The following NRXN3 variants were observed in gnomAD, a reference collection of about 807,000 sequenced individuals.
NRXN3 encodes the protein neurexin III.
Under a neutral mutation model 137.6 loss-of-function variants are expected in NRXN3, and 32 were observed. The ratio of observed to expected loss-of-function variants is 0.23; its 90% CI spans 0.18 to 0.31. The LOEUF is 0.31. Among genes scored for constraint, NRXN3 ranks in the 10% least tolerant of loss-of-function variants. NRXN3 has a pLI of 1.00. For synonymous variants in NRXN3, 798 were observed against 784.5 expected (o/e 1.02, Z -0.29); for missense variants, 1,574 against 2,062.5 (o/e 0.76, Z 4.59).
chr14:79,799,144 T>C (rs1463926377), intron 19 of NRXN3, among the ~76,000 whole-genome samples: 1 of 152,178 alleles, frequency 6.6e-6, no homozygotes, highest in Non-Finnish European at 1.5e-5. Flanking sequence ...GCCAGACAGA[T>C]ATTTTATTGA....
At chr14:78,288,923 C>T (rs1716166731) in intron 3 of NRXN3, among the ~76,000 whole-genome samples, 1 of 152,190 alleles carries the variant, frequency 6.6e-6, no homozygotes, top group Admixed American at 6.5e-5. Flanking sequence ...AGTCCAGCCA[C>T]CTTGCCATAA....
At chr14:78,506,961 CA>C (rs2096007568) in intron 4 of NRXN3, among the ~76,000 whole-genome samples, 1 of 152,072 alleles carries the variant, frequency 6.6e-6, no homozygotes, top group South Asian at 2.1e-4. Flanking sequence ...ATTTCTTAAT[CA>C]GGCTTTTTTC....
intron 4 of NRXN3, among the ~76,000 whole-genome samples, chr14:78,439,163 G>A (rs936421538): frequency 9.9e-5 from 15 of 152,000 alleles, no homozygotes; most frequent in African/African-American, 3.6e-4. Flanking sequence ...AGGATCTGAA[G>A]ATAGTTAAAA....
At chr14:79,383,152 C>T (rs2094517327) in intron 15 of NRXN3, among the ~76,000 whole-genome samples, 1 of 152,140 alleles carries the variant, frequency 6.6e-6, no homozygotes, top group Non-Finnish European at 1.5e-5. Context: ...CCAGTTCTAA[C>T]TTGAATTTCA....
At chr14:78,823,163 C>G (rs1002844298) in intron 10 of NRXN3, among the ~76,000 whole-genome samples, 1 of 152,160 alleles carries the variant, frequency 6.6e-6, no homozygotes, top group Non-Finnish European at 1.5e-5. Flanking sequence ...ATTAGAATGC[C>G]ATAATTCAAC....
At chr14:78,642,685 T>C (rs145951437) in intron 4 of NRXN3, among the ~76,000 whole-genome samples, 2 of 152,350 alleles carry the variant, frequency 1.3e-5, no homozygotes, top group African/African-American at 4.8e-5. Flanking sequence ...CCTTCTACTC[T>C]AGATCAGGGT....
chr14:79,058,755 C>A (rs1038448636), intron 15 of NRXN3, among the ~76,000 whole-genome samples: 1 of 151,958 alleles, frequency 6.6e-6, no homozygotes. Context: ...GGGAGGTGAT[C>A]GGATCATGAG....
At chr14:78,510,981 T>C (rs2096093964) in intron 4 of NRXN3, among the ~76,000 whole-genome samples, 1 of 152,212 alleles carries the variant, frequency 6.6e-6, no homozygotes, top group Non-Finnish European at 1.5e-5. Context: ...TCATAAATTA[T>C]AAAAATGTTT....
At chr14:79,015,379 C>A (rs115905902) in intron 15 of NRXN3, among the ~76,000 whole-genome samples, 1 of 152,150 alleles carries the variant, frequency 6.6e-6, no homozygotes, top group South Asian at 2.1e-4. Flanking sequence ...CTGCAAACCA[C>A]GGCTGAGAAA....
intron 10 of NRXN3, among the ~76,000 whole-genome samples, chr14:78,816,152 T>C (rs921634712): frequency 6.6e-6 from 1 of 152,162 alleles, no homozygotes; most frequent in East Asian, 1.9e-4. Flanking sequence ...CCTAAATATA[T>C]AATATTAAAC....
intron 17 of NRXN3, among the ~76,000 whole-genome samples, chr14:79,677,163 T>C (rs375500880): frequency 1.3e-5 from 2 of 152,078 alleles, no homozygotes; most frequent in East Asian, 3.9e-4. Context: ...CAAATATGAT[T>C]TTATTGAAAT....
intron 18 of NRXN3, among the ~76,000 whole-genome samples, chr14:79,696,352 T>G (rs1347524366): frequency 6.6e-6 from 1 of 151,952 alleles, no homozygotes; most frequent in Non-Finnish European, 1.5e-5. Context: ...TAGTTATTTC[T>G]AGCTAAGGTA....
rs555759486 is a variant in NRXN3, at chr14:78,253,692, A to C, written c.709+9890A>C. 5.3e-5 allele frequency among the ~76,000 whole-genome samples: 8 copies of C among 152,234 alleles called. No homozygotes were observed. The East Asian group carries it at 1.5e-3, about 29-fold the overall frequency. On this transcript the variant is annotated intron_variant, in intron 2 of 20. Transcript: ENST00000335750. ...CCATCTCAGAAAAAAAAAGAAAAAAACCAATCATGGGATAATAAGTTTAAA... is the reference window on the plus strand; with the variant it reads ...CCATCTCAGAAAAAAAAAGAAAAAACCCAATCATGGGATAATAAGTTTAAA...
At chr14:79,301,410 A>G (rs1025189896) in intron 15 of NRXN3, among the ~76,000 whole-genome samples, 1 of 152,026 alleles carries the variant, frequency 6.6e-6, no homozygotes, top group Non-Finnish European at 1.5e-5. Context: ...GGACACTTCA[A>G]GGCCATTCTG....
intron 16 of NRXN3, among the ~76,000 whole-genome samples, chr14:79,514,433 T>C (rs779690293): frequency 2.1e-4 from 32 of 152,126 alleles, no homozygotes; most frequent in South Asian, 4.1e-4. Flanking sequence ...AGTAACATCA[T>C]TGGTCTCTGC....
chr14:79,355,791 T>G (rs1292419608), intron 15 of NRXN3, among the ~76,000 whole-genome samples: 1 of 152,210 alleles, frequency 6.6e-6, no homozygotes, highest in Non-Finnish European at 1.5e-5. Flanking sequence ...ACTTAGCTGA[T>G]CCTATCTCAA....
At chr14:79,586,578 ACC>A (rs1310244741) in intron 16 of NRXN3, among the ~76,000 whole-genome samples, 2 of 150,604 alleles carry the variant, frequency 1.3e-5, no homozygotes, top group African/African-American at 4.9e-5. Context: ...CATTAACTAC[ACC>A]CGCCTCAGCC....
At chr14:79,064,741 A>ATATG (rs3035483) in intron 15 of NRXN3, among the ~76,000 whole-genome samples, 2 of 29,470 alleles carry the variant, frequency 6.8e-5, no homozygotes, top group Non-Finnish European at 4.3e-4. Context: ...ATGTATATGT[A>ATATG]TATATATATA....
At chr14:78,436,972 C>T (rs1428707742) in intron 4 of NRXN3, among the ~76,000 whole-genome samples, 1 of 152,214 alleles carries the variant, frequency 6.6e-6, no homozygotes. Flanking sequence ...TACCAGTGTT[C>T]AAAACCCAGC....
Sources: allele counts gnomAD v4.1 joint callset (sites outside exome capture counted in the v4.1 genomes callset), GRCh38; gene constraint gnomAD v4.1.1; transcripts MANE v1.5; gene names NCBI Gene and HGNC (gene_info 2026-07-23, HGNC 2026-07-21).